The following FANCD2 variants were observed in gnomAD, a reference collection of about 807,000 sequenced individuals.
FANCD2 encodes FA complementation group D2.
In FANCD2, 131 loss-of-function variants were observed where a neutral mutation model predicts 192.3. That is an observed-to-expected ratio of 0.68 (90% CI 0.59 to 0.79). FANCD2 has a LOEUF of 0.79. FANCD2 is among the 30% of genes least tolerant of loss of function. The probability of loss-of-function intolerance (pLI) is 0.00; values close to 1 mark genes in which losing one functional copy is unlikely to be tolerated. For missense variants in FANCD2, 1,508 were observed against 1,701.6 expected, an observed-to-expected ratio of 0.89 and a Z score of 2.00; for synonymous variants, 524 against 612.5, an observed-to-expected ratio of 0.86 and a Z score of 2.13.
chr3:10,070,019 G>A (rs1693105205), intron 26 of FANCD2, among the ~76,000 whole-genome samples: 2 of 151,478 alleles, frequency 1.3e-5, no homozygotes, highest in African/African-American at 4.9e-5. Context: ...GAAGTGAGGA[G>A]CGTCTCTGCC....
At chr3:10,056,067 T>G (rs2125020349) in intron 18 of FANCD2, among the ~76,000 whole-genome samples, 1 of 152,162 alleles carries the variant, frequency 6.6e-6, no homozygotes, top group Middle Eastern at 3.4e-3. Context: ...TTAGTAGAGA[T>G]GGGATTTTGC....
intron 2 of FANCD2, among the ~76,000 whole-genome samples, chr3:10,030,085 C>A (rs994559280): frequency 2.2e-5 from 3 of 138,932 alleles, no homozygotes; most frequent in African/African-American, 8.7e-5. Flanking sequence ...CCACGCCTGG[C>A]CCATTATATC....
intron 18 of FANCD2, among the ~76,000 whole-genome samples, chr3:10,053,585 G>A (rs181162686): frequency 2.7e-5 from 4 of 150,888 alleles, no homozygotes; most frequent in East Asian, 1.9e-4. Context: ...TGTATTCTCA[G>A]TATTTTGTAT....
At chr3:10,078,576 A>G (rs185174772) in intron 30 of FANCD2, among the ~76,000 whole-genome samples, 46 of 151,508 alleles carry the variant, frequency 3.0e-4, no homozygotes, top group East Asian at 1.8e-3. Flanking sequence ...GGATGGTCTC[A>G]ATCTCCTGAC....
intron 29 of FANCD2, among the ~76,000 whole-genome samples, chr3:10,075,953 G>A (rs369796065): frequency 2.6e-5 from 4 of 151,486 alleles, no homozygotes; most frequent in South Asian, 2.1e-4. Flanking sequence ...GGATGGTCTC[G>A]ATCTCCTGAC....
chr3:10,087,344 C>T (rs2125073737), intron 34 of FANCD2, 80 bp downstream of exon 34: 1 of 1,383,906 alleles, frequency 7.2e-7, no homozygotes, highest in South Asian at 1.3e-5. Flanking sequence ...TTTGGGCTTC[C>T]CAGGACATTT....
At position 10,065,403 on chromosome 3, in the gene FANCD2, T is replaced by C. The variant is rs761465333; in HGVS notation, c.2178T>C (p.Ser726=). The C allele has an allele frequency of 6.2e-7, 1 of 1,612,546 alleles. No individual in the cohort carries two copies. Among genetic ancestry groups the C allele is most frequent in the South Asian group, 1.1e-5 (1 of 91,042 alleles). ...TATTTCTCCTTCTCAGATTGGTGTC[T>C]CCGCTGTGCCTGGCTCCGTATTTCC... The part of the protein sequence containing the change: ...TSQESGQKLV[S]PLCLAPYFRL... Residue 726 remains serine, a synonymous_variant, in exon 24 of 44, where the codon TCT becomes TCC. Transcript: ENST00000675286.
chr3:10,088,434 C>G lies in FANCD2; in HGVS notation c.3467-15C>G. ...GTTCCCATATGTAAGATTCCTTTGT[C>G]TTCTTTTCTAACAGCTTCCCTTGCC... On this transcript the variant is annotated splice_polypyrimidine_tract_variant and intron_variant, in intron 34 of 43. Coordinates refer to ENST00000675286, the MANE Select transcript of FANCD2 (RefSeq NM_001018115.3). 1.3e-6 allele frequency: 2 copies of G among 1,551,064 alleles called. No individual in the cohort carries two copies. The highest frequency in any genetic ancestry group is 1.8e-6 in the Non-Finnish European group (2 of 1,122,656).
intron 7 of FANCD2, 133 bp from the exon 8 acceptor site, chr3:10,039,146 T>C: frequency 3.3e-6 from 2 of 614,316 alleles, no homozygotes; most frequent in Non-Finnish European, 5.8e-6. Context: ...GTGTGTCTAG[T>C]GCAGTGCCGA....
Position 10,093,303 on chromosome 3 carries a change from G to C in FANCD2, c.3868G>C (p.Val1290Leu). 2 of 1,613,508 alleles carry C rather than the reference G, an allele frequency of 1.2e-6. No homozygotes were observed. The highest frequency in any genetic ancestry group is 1.7e-6 in the Non-Finnish European group (2 of 1,179,410). The change falls in exon 39 of 44, where the codon GTT becomes CTT. Residue 1290 changes from valine to leucine, a missense_variant. This residue lies in a region of FANCD2 where 796 missense variants were observed against 879.4 expected (regional missense o/e 0.91). Coordinates refer to ENST00000675286, the MANE Select transcript of FANCD2 (RefSeq NM_001018115.3). ...NLIKVFDSHP[V>L]LHVCLKYGRL... is the part of the protein sequence containing the mutation. ...TCTCCAGGTATTTGATAGTCATCCT[G>C]TTCTGCATGTATGTTTGAAGGTGAG... is the stretch of plus-strand genomic sequence containing the variant.
intron 33 of FANCD2, 109 bp downstream of exon 33, chr3:10,086,031 A>T: frequency 1.3e-6 from 1 of 760,368 alleles, no homozygotes; most frequent in Non-Finnish European, 2.4e-6. Context: ...TGTAAAGGAA[A>T]TTATTTTCAG....
rs185981261 is a variant in FANCD2, at chr3:10,081,787, T to C, written c.3224+323T>C. Among the ~76,000 whole-genome samples, 11 of 152,236 alleles carry C rather than the reference T, an allele frequency of 7.2e-5. No homozygotes were observed. The East Asian group carries it at 1.7e-3, about 24-fold the overall frequency. ...TTGTTTGGTGATGAGCTGAACACTG[T>C]GAGCTGGGCTATTCCATGATACCTT... On this transcript the variant is annotated intron_variant, in intron 32 of 43. Transcript: ENST00000675286.
chr3:10,040,750 G>T (rs1324414113), intron 9 of FANCD2: 2 of 345,262 alleles, frequency 5.8e-6, no homozygotes, highest in Non-Finnish European at 5.6e-6. Context: ...TTGTATAGTT[G>T]TCTGCAAAGC....
In FANCD2 at chr3:10,096,483, G is replaced by T. The variant is rs1261356240; in HGVS notation, c.4185+11G>T. On this transcript the variant is annotated intron_variant, in intron 42 of 43. Transcript: ENST00000675286. Reference sequence around the variant, plus strand: ...AACCGGGACTTGCAGGTAAGCCTTGGATCCTGCTAGTGATAATCCCCTACT... The same window carrying T: ...AACCGGGACTTGCAGGTAAGCCTTGTATCCTGCTAGTGATAATCCCCTACT... 1 of 1,613,332 alleles carries T rather than the reference G, an allele frequency of 6.2e-7. No individual in the cohort carries two copies. The highest frequency in any genetic ancestry group is 1.1e-5 in the South Asian group (1 of 91,066).
At position 10,085,863 on chromosome 3, in the gene FANCD2, T is replaced by C. The variant is rs773833838; in HGVS notation, c.3276T>C (p.His1092=). 7.4e-6 allele frequency: 12 copies of C among 1,613,766 alleles called. No homozygotes were observed. The South Asian group carries it at 1.2e-4, about 16-fold the overall frequency. The change falls in exon 33 of 44, where the codon CAT becomes CAC. Residue 1092 remains histidine (H), a synonymous_variant. Transcript: ENST00000675286. The stretch of plus-strand genomic sequence containing the variant: ...AGAATTTACTGTATTCAGCCCTCCA[T>C]GTCCTTAGTAGCCGACTGAAACAGG... ...ENQNLLYSAL[H]VLSSRLKQGE... is the part of the protein sequence containing the mutation.
rs532765216 is a variant in FANCD2 at position 10,036,086 on chromosome 3, C to CTTTTTTTTTTT, written c.439-192_439-182dup. Among the ~76,000 whole-genome samples, 42 of 102,574 alleles carry CTTTTTTTTTTT rather than the reference C, an allele frequency of 4.1e-4. 2 individuals carry two copies. Among genetic ancestry groups the CTTTTTTTTTTT allele is most frequent in the African/African-American group, 1.1e-3 (26 of 23,980 alleles). The allele number at this position is 102,574 out of a possible 152,430, so 67.3% of individuals were successfully genotyped here. The stretch of plus-strand genomic sequence containing the variant: ...TAGTTGGAAAGAGAATTATACATTT[C>CTTTTTTTTTTT]TTTTTTTTTTTTTTTTTTTGAGTCA... On this transcript the variant is annotated intron_variant, in intron 6 of 43. Transcript: ENST00000675286.
intron 18 of FANCD2, among the ~76,000 whole-genome samples, chr3:10,056,996 A>G (rs535826296): frequency 6.6e-6 from 1 of 152,176 alleles, no homozygotes; most frequent in East Asian, 1.9e-4. Context: ...CTGGGACCAT[A>G]GGTGTGCACC....
In FANCD2 at chr3:10,064,863, A is replaced by G. The variant is rs1232165185; in HGVS notation, c.2156A>G (p.Glu719Gly). 1.4e-5 allele frequency: 22 copies of G among 1,613,660 alleles called. No homozygotes were observed. The Middle Eastern group carries it at 6.6e-4, about 48-fold the overall frequency. ...GATGGGGGTCCGGTGACCTCACAGG[A>G]ATCAGGCCAAAAGTCAGTATAGTTT... ...AKDGGPVTSQ[E>G]SGQKLVSPLC... The change falls in exon 23 of 44, where the codon GAA becomes GGA. Residue 719 changes from glutamate (E) to glycine (G), a missense_variant. Glu to Gly is a moderately conservative substitution (Grantham distance 98). Around this residue, in one of 5 missense-constraint regions of FANCD2, gnomAD observed 796 missense variants for 879.4 expected, o/e 0.91. Coordinates refer to ENST00000675286, the MANE Select transcript of FANCD2 (RefSeq NM_001018115.3).
chr3:10,044,506 A>G (rs2086947952), intron 14 of FANCD2, among the ~76,000 whole-genome samples: 1 of 152,122 alleles, frequency 6.6e-6, no homozygotes, highest in South Asian at 2.1e-4. Flanking sequence ...CGTCTCTACT[A>G]AAAATACAAA....
Sources: gnomAD v4.1 joint callset for allele counts (sites outside exome capture counted in the v4.1 genomes callset) on GRCh38, gnomAD v4.1.1 for gene constraint, gnomAD v4.1.1 regional missense constraint, MANE v1.5 for transcripts, NCBI Gene and HGNC (gene_info 2026-07-23, HGNC 2026-07-21) for gene names.